ROBO2: variants seen among roughly 807,000 people sequenced by gnomAD.
ROBO2 encodes roundabout homolog 2.
ROBO2 carries 53 observed loss-of-function variants against 160.8 expected under a neutral mutation model. That is an observed-to-expected ratio of 0.33 (90% confidence interval 0.26 to 0.41). The LOEUF is 0.41. ROBO2 is among the 10% of genes least tolerant of loss of function. The pLI is 1.00. For missense variants in ROBO2, 1,577 were observed against 1,722.4 expected, an observed-to-expected ratio of 0.92 and a Z score of 1.49; for synonymous variants, 664 against 611.7, an observed-to-expected ratio of 1.09 and a Z score of -1.26.
At chr3:77,263,467 T>C (rs1325573367) in intron 2 of ROBO2, among the ~76,000 whole-genome samples, 1 of 152,166 alleles carries the variant, frequency 6.6e-6, no homozygotes, top group Non-Finnish European at 1.5e-5. Flanking sequence ...CATGGGTCCA[T>C]ATCATTTAGC....
At chr3:75,988,016 G>T (rs2065461260) in intron 2 of ROBO2, among the ~76,000 whole-genome samples, 1 of 151,800 alleles carries the variant, frequency 6.6e-6, no homozygotes, top group Non-Finnish European at 1.5e-5. Flanking sequence ...CAATGTCTTT[G>T]TCTGGTTTTG....
chr3:77,460,910 G>A (rs2082172610), intron 2 of ROBO2, among the ~76,000 whole-genome samples: 1 of 151,980 alleles, frequency 6.6e-6, no homozygotes, highest in Non-Finnish European at 1.5e-5. Flanking sequence ...ATGAAATGAA[G>A]GAAATTAATC....
At chr3:76,893,069 T>C (rs1032549484) in intron 2 of ROBO2, among the ~76,000 whole-genome samples, 7 of 152,128 alleles carry the variant, frequency 4.6e-5, no homozygotes, top group African/African-American at 1.7e-4. Flanking sequence ...CTGGATTCCA[T>C]CCCATAGCCT....
intron 2 of ROBO2, among the ~76,000 whole-genome samples, chr3:76,482,765 T>C (rs931223274): frequency 3.3e-5 from 5 of 152,124 alleles, no homozygotes; most frequent in African/African-American, 7.2e-5. Flanking sequence ...AGCTTATGGG[T>C]TATCTTCCAT....
intron 2 of ROBO2, among the ~76,000 whole-genome samples, chr3:77,417,637 G>C (rs1015912923): frequency 1.3e-5 from 2 of 151,964 alleles, no homozygotes; most frequent in Non-Finnish European, 2.9e-5. Context: ...TTAGTCTATG[G>C]ATTCAATATA....
chr3:76,370,002 C>T (rs987067325), intron 2 of ROBO2, among the ~76,000 whole-genome samples: 2 of 151,998 alleles, frequency 1.3e-5, no homozygotes, highest in African/African-American at 4.8e-5. Context: ...CAGATAGACA[C>T]TCATTAATAA....
intron 2 of ROBO2, among the ~76,000 whole-genome samples, chr3:77,159,850 T>C (rs796935737): frequency 3.5e-4 from 53 of 152,296 alleles, no homozygotes; most frequent in African/African-American, 1.3e-3. Context: ...TACCAAAGTA[T>C]ATTTCAAATT....
chr3:76,569,748 CA>C (rs1290949170), intron 2 of ROBO2, among the ~76,000 whole-genome samples: 5 of 152,094 alleles, frequency 3.3e-5, no homozygotes, highest in Non-Finnish European at 5.9e-5. Context: ...TTCCAACTAC[CA>C]TTATAGCCAC....
At chr3:76,110,052 T>C (rs1240054938) in intron 2 of ROBO2, among the ~76,000 whole-genome samples, 2 of 150,944 alleles carry the variant, frequency 1.3e-5, no homozygotes, top group Non-Finnish European at 3.0e-5. Context: ...TATATATATA[T>C]GAATGAATAT....
rs1054136143 is a variant in ROBO2 at position 76,273,306 on chromosome 3, C to A, written c.109+335704C>A. 1.0e-4 allele frequency among the ~76,000 whole-genome samples: 15 copies of A among 150,710 alleles called. 1 individual carries two copies. Among genetic ancestry groups the A allele is most frequent in the South Asian group, 2.1e-4 (1 of 4,790 alleles). On this transcript the variant is annotated intron_variant, in intron 2 of 26. Transcript: ENST00000487694. Reference sequence around the variant, plus strand: ...AATACAGTTTTTCGAGGCAATTATGCTTAGAATAATAAGATTTTGACTCTC... The same window carrying A: ...AATACAGTTTTTCGAGGCAATTATGATTAGAATAATAAGATTTTGACTCTC...
chr3:76,093,271 C>T (rs2069304269), intron 2 of ROBO2, among the ~76,000 whole-genome samples: 1 of 151,870 alleles, frequency 6.6e-6, no homozygotes, highest in Non-Finnish European at 1.5e-5. Context: ...GTGCTTGCCT[C>T]CCCTGTATAA....
intron 2 of ROBO2, among the ~76,000 whole-genome samples, chr3:77,266,719 G>A (rs1197591522): frequency 6.6e-6 from 1 of 152,036 alleles, no homozygotes; most frequent in Non-Finnish European, 1.5e-5. Context: ...CTAATCCTTA[G>A]TTTTGTCATC....
chr3:76,021,007 TTCTC>T (rs745740240), intron 2 of ROBO2, among the ~76,000 whole-genome samples: 2 of 151,788 alleles, frequency 1.3e-5, no homozygotes, highest in Admixed American at 6.6e-5. Flanking sequence ...CACTTTATCA[TTCTC>T]TCTCTCTCTT....
At chr3:77,478,739 TC>T (rs1189854468) in intron 3 of ROBO2, among the ~76,000 whole-genome samples, 4 of 152,224 alleles carry the variant, frequency 2.6e-5, no homozygotes, top group African/African-American at 9.6e-5. Flanking sequence ...GTATCTATTA[TC>T]TTAAAAATAT....
chr3:76,834,674 A>G (rs1469455874), intron 2 of ROBO2, among the ~76,000 whole-genome samples: 1 of 152,048 alleles, frequency 6.6e-6, no homozygotes, highest in Non-Finnish European at 1.5e-5. Context: ...CCTAATTTTT[A>G]AATTTTTTTG....
At chr3:76,699,414 A>G (rs780736443) in intron 2 of ROBO2, among the ~76,000 whole-genome samples, 85 of 134,550 alleles carry the variant, frequency 6.3e-4, no homozygotes, top group Non-Finnish European at 1.1e-3. Flanking sequence ...CCTTCATCTC[A>G]TGAAGACTTT....
intron 2 of ROBO2, among the ~76,000 whole-genome samples, chr3:76,431,986 C>A (rs1448894195): frequency 6.6e-6 from 1 of 152,084 alleles, no homozygotes; most frequent in East Asian, 1.9e-4. Flanking sequence ...GTGTTAGAGG[C>A]TGTTGCTTAG....
chr3:76,381,751 A>C (rs2108560069), intron 2 of ROBO2, among the ~76,000 whole-genome samples: 1 of 152,300 alleles, frequency 6.6e-6, no homozygotes, highest in South Asian at 2.1e-4. Context: ...CACAACAATA[A>C]GGCATGTGCT....
At chr3:76,388,795 T>C (rs1000298330) in intron 2 of ROBO2, among the ~76,000 whole-genome samples, 4 of 152,168 alleles carry the variant, frequency 2.6e-5, no homozygotes, top group Non-Finnish European at 4.4e-5. Flanking sequence ...TTTCCATCTA[T>C]CCATTTATCT....
Sources: gnomAD v4.1 joint callset for allele counts (sites outside exome capture counted in the v4.1 genomes callset) on GRCh38, gnomAD v4.1.1 for gene constraint, MANE v1.5 for transcripts, NCBI Gene and HGNC (gene_info 2026-07-23, HGNC 2026-07-21) for gene names.